The following PTPN3 variants were observed in gnomAD, a reference collection of about 807,000 sequenced individuals.
PTPN3 encodes the protein protein tyrosine phosphatase non-receptor type 3, also known as tyrosine-protein phosphatase non-receptor type 3.
Under a neutral mutation model 132.7 loss-of-function variants are expected in PTPN3, and 96 were observed. The observed-to-expected ratio is 0.72, with a 90% CI of 0.61 to 0.86. The LOEUF (loss-of-function observed/expected upper bound fraction) is 0.86. PTPN3 is among the 40% of genes least tolerant of loss of function. The probability of loss-of-function intolerance (pLI) is 0.00; values close to 1 mark genes in which losing one functional copy is unlikely to be tolerated. For missense variants in PTPN3, 1,125 were observed against 1,159.6 expected, an observed-to-expected ratio of 0.97 and a Z score of 0.43; for synonymous variants, 398 against 429.0, an observed-to-expected ratio of 0.93 and a Z score of 0.89.
intron 19 of PTPN3, among the ~76,000 whole-genome samples, chr9:109,393,734 CCTTAATAAAGATGTG>C (rs1840332537): frequency 7.2e-5 from 11 of 152,066 alleles, no homozygotes; most frequent in African/African-American, 2.4e-4. Context: ...TGGCCAACAT[CCTTAATAAAGATGTG>C]TTTGCAGTTT....
At chr9:109,408,795 AAAT>A (rs1448839461) in intron 16 of PTPN3, among the ~76,000 whole-genome samples, 2,166 of 85,512 alleles carry the variant, frequency 0.025, 36 homozygotes, top group Non-Finnish European at 0.03. Flanking sequence ...AAAAAAAAAA[AAAT>A]ATATATATAT....
intron 5 of PTPN3, among the ~76,000 whole-genome samples, chr9:109,451,689 T>G (rs962706959): frequency 6.6e-6 from 1 of 152,180 alleles, no homozygotes; most frequent in South Asian, 2.1e-4. Context: ...CCCAGAGAAG[T>G]GGGCTTCTCT....
chr9:109,410,168 GC>G (rs2131763262), intron 15 of PTPN3, 60 bp downstream of exon 15: 1 of 1,611,228 alleles, frequency 6.2e-7, no homozygotes, highest in Non-Finnish European at 8.5e-7. Context: ...CTACTCAGCT[GC>G]CCACAAGAGG....
At chr9:109,497,777 A>T (rs1270134413) in intron 1 of PTPN3, among the ~76,000 whole-genome samples, 1 of 151,978 alleles carries the variant, frequency 6.6e-6, no homozygotes, top group African/African-American at 2.4e-5. Flanking sequence ...TCGCCCTGGG[A>T]GCCGAGCGCT....
chr9:109,428,075 C>T (rs1490133598), intron 11 of PTPN3, among the ~76,000 whole-genome samples: 8 of 152,208 alleles, frequency 5.3e-5, no homozygotes, highest in African/African-American at 1.7e-4. Context: ...AGTTTCAACA[C>T]ATCATGGGAG....
intron 1 of PTPN3, among the ~76,000 whole-genome samples, chr9:109,475,998 G>A (rs568040309): frequency 1.3e-5 from 2 of 152,164 alleles, no homozygotes; most frequent in African/African-American, 2.4e-5. Context: ...ATTTGTCTCT[G>A]ATCAGCCAGG....
At chr9:109,538,365 A>G in the PTPN3 span, among the ~76,000 whole-genome samples, 2 of 152,216 alleles carry the variant, frequency 1.3e-5, no homozygotes, top group Admixed American at 6.5e-5. Flanking sequence ...TCTGTCTTGG[A>G]AACCTCAGAA....
intron 9 of PTPN3, 28 bp downstream of exon 9, chr9:109,436,855 T>C: frequency 1.3e-6 from 2 of 1,590,306 alleles, no homozygotes; most frequent in East Asian, 4.5e-5. Flanking sequence ...ACATAATGTT[T>C]GAGCCAAGAC....
At chr9:109,381,423 C>T (rs567361837) in intron 25 of PTPN3, among the ~76,000 whole-genome samples, 1 of 152,322 alleles carries the variant, frequency 6.6e-6, no homozygotes, top group East Asian at 1.9e-4. Flanking sequence ...AGAATGCAAC[C>T]AGGGCTGCTC....
intron 5 of PTPN3, among the ~76,000 whole-genome samples, chr9:109,452,724 TTTTTTA>T (rs1301136524): frequency 3.3e-5 from 5 of 152,064 alleles, no homozygotes; most frequent in Admixed American, 1.3e-4. Flanking sequence ...ACCTGACTAC[TTTTTTA>T]TTTTTATTTT....
Position 109,498,036 on chromosome 9 carries a change from G to A in PTPN3, c.-18+183C>T, listed in dbSNP as rs1847759533. 1.4e-5 allele frequency among the ~76,000 whole-genome samples: 2 copies of A among 142,834 alleles called. No homozygotes were observed. The highest frequency in any genetic ancestry group is 1.4e-4 in the Admixed American group (2 of 14,570). 93.7% of individuals were successfully genotyped at this position (142,834 alleles called of 152,430 possible). ...CCCGGCCCCGCCAGGTGAGCGCAGC[G>A]GGGCGCCCCCTCCCCGCCCCGACGT... On this transcript the variant is annotated intron_variant, in intron 1 of 25. Coordinates refer to ENST00000374541, the MANE Select transcript of PTPN3 (RefSeq NM_002829.4). The surrounding 1 kb of genome is among the most constrained non-coding windows in gnomAD (Gnocchi z 4.2).
At chr9:109,405,978 A>T (rs111853246) in intron 18 of PTPN3, among the ~76,000 whole-genome samples, 3 of 152,292 alleles carry the variant, frequency 2.0e-5, no homozygotes, top group African/African-American at 7.2e-5. Context: ...CAGACTGGTT[A>T]TGTAACCCCT....
At chr9:109,470,084 G>C (rs1280753281) in intron 1 of PTPN3, among the ~76,000 whole-genome samples, 1 of 151,284 alleles carries the variant, frequency 6.6e-6, no homozygotes. Context: ...TCCAACAGAT[G>C]ACCGATCTAG....
intron 9 of PTPN3, 35 bp downstream of exon 9, chr9:109,436,848 T>C (rs1443039050): frequency 1.9e-6 from 3 of 1,580,108 alleles, no homozygotes; most frequent in Non-Finnish European, 8.6e-7. Flanking sequence ...AATAAAAACA[T>C]AATGTTTGAG....
rs368541831 is a variant in PTPN3, at chr9:109,389,391, T to C, written c.2107-12A>G. ...GCAGGAATTTCCATCTGGTAAGAAATTGGTAAAGTATTAGAATCTGTTGCT... is the reference window on the plus strand; with the variant it reads ...GCAGGAATTTCCATCTGGTAAGAAACTGGTAAAGTATTAGAATCTGTTGCT... On this transcript the variant is annotated splice_polypyrimidine_tract_variant and intron_variant, in intron 21 of 25. Transcript: ENST00000374541. The C allele has an allele frequency of 2.2e-5, 36 of 1,612,334 alleles. No individual in the cohort carries two copies. The highest frequency in any genetic ancestry group is 1.7e-4 in the Middle Eastern group (1 of 6,022).
chr9:109,377,439 CACACACACACACACACACAA>C lies in PTPN3; in HGVS notation c.*2097_*2116del, dbSNP rs958072956. The C allele has an allele frequency of 3.1e-5, 4 of 130,868 alleles. No individual in the cohort carries two copies. Among genetic ancestry groups the C allele is most frequent in the African/African-American group, 9.1e-5 (3 of 33,012 alleles). The allele number at this position is 130,868 out of a possible 1,614,324, so 8.1% of individuals were successfully genotyped here. ...ACACACACACACACACACACACACACACACACACACACACACACAAGCCAGGTGAGGTGGCATGTGCCTAT... is the reference window on the plus strand; with the variant it reads ...ACACACACACACACACACACACACACGCCAGGTGAGGTGGCATGTGCCTAT... On this transcript the variant is annotated 3_prime_UTR_variant, in exon 26 of 26. Coordinates refer to ENST00000374541, the MANE Select transcript of PTPN3 (RefSeq NM_002829.4).
chr9:109,404,529 C>T lies in PTPN3; in HGVS notation c.1872G>A (p.Pro624=), dbSNP rs371992176. ...ATCCCTCCAAAGTGTCCCCACCCTC[C>T]GGACACATGGGGAAAATGGCTTCGG... is the stretch of plus-strand genomic sequence containing the variant. ...LFPEAIFPMC[P]EGGDTLEGSM... The change falls in exon 19 of 26, where the codon CCG becomes CCA. Residue 624 remains proline (P), a synonymous_variant. Coordinates refer to ENST00000374541, the MANE Select transcript of PTPN3 (RefSeq NM_002829.4). 40 of 1,570,852 alleles carry T rather than the reference C, an allele frequency of 2.5e-5. No homozygotes were observed. In the South Asian group the frequency reaches 2.6e-4, roughly 10 times the overall value.
chr9:109,412,545 T>C (rs545166210), intron 14 of PTPN3, among the ~76,000 whole-genome samples: 2 of 152,250 alleles, frequency 1.3e-5, no homozygotes, highest in East Asian at 1.9e-4. Context: ...GGCTAATTTT[T>C]TATATTTTTA....
At chr9:109,383,575 G>A (rs753375549) in intron 22 of PTPN3, 24 bp from the exon 23 acceptor site, 2 of 1,610,922 alleles carry the variant, frequency 1.2e-6, no homozygotes, top group Admixed American at 1.7e-5. Context: ...CCGAGAGTGA[G>A]TGAGCCCCGT....
Sources: gnomAD v4.1 joint callset for allele counts (sites outside exome capture counted in the v4.1 genomes callset) on GRCh38, gnomAD v4.1.1 for gene constraint, Gnocchi (gnomAD v3.1) non-coding constraint, MANE v1.5 for transcripts, NCBI Gene and HGNC (gene_info 2026-07-23, HGNC 2026-07-21) for gene names.